Variants in MAML2 observed in about 807,000 individuals in gnomAD.
MAML2 encodes mastermind-like protein 2.
A neutral mutation model predicts 96.1 loss-of-function variants in MAML2; 22 were observed. The ratio of observed to expected loss-of-function variants is 0.23; its 90% CI spans 0.16 to 0.33. The LOEUF is 0.33. Among genes scored for constraint, MAML2 ranks in the 10% least tolerant of loss-of-function variants. MAML2 has a pLI of 1.00. For missense variants in MAML2, 1,367 were observed against 1,392.4 expected, an observed-to-expected ratio of 0.98 and a Z score of 0.29; for synonymous variants, 561 against 521.3, an observed-to-expected ratio of 1.08 and a Z score of -1.04.
chr11:96,304,939 T>C (rs1455621130), intron 1 of MAML2, among the ~76,000 whole-genome samples: 1 of 152,230 alleles, frequency 6.6e-6, no homozygotes, highest in African/African-American at 2.4e-5. Flanking sequence ...CCTATAAAGA[T>C]ACAATTCTCT....
chr11:96,221,657 A>G (rs543332840), intron 1 of MAML2, among the ~76,000 whole-genome samples: 3 of 144,338 alleles, frequency 2.1e-5, no homozygotes, highest in Non-Finnish European at 3.0e-5. Flanking sequence ...TCTGCACAGT[A>G]TAGGGAAGAT....
At chr11:96,329,895 C>A (rs1173047666) in intron 1 of MAML2, among the ~76,000 whole-genome samples, 1 of 152,188 alleles carries the variant, frequency 6.6e-6, no homozygotes, top group Non-Finnish European at 1.5e-5. Context: ...TCACTTTTCC[C>A]TGTCTGCTAT....
intron 1 of MAML2, among the ~76,000 whole-genome samples, chr11:96,201,127 T>G (rs916037547): frequency 3.9e-5 from 6 of 152,148 alleles, no homozygotes; most frequent in African/African-American, 1.4e-4. Flanking sequence ...ATCAGAGCAA[T>G]AGATATTTAG....
At chr11:96,151,671 T>G (rs1034314408) in intron 1 of MAML2, among the ~76,000 whole-genome samples, 25 of 152,138 alleles carry the variant, frequency 1.6e-4, no homozygotes, top group Admixed American at 1.5e-3. Context: ...CCCTCTTCCT[T>G]TGTCCTGTTC....
At chr11:96,146,921 T>C (rs977175527) in intron 1 of MAML2, among the ~76,000 whole-genome samples, 4 of 152,216 alleles carry the variant, frequency 2.6e-5, no homozygotes, top group African/African-American at 9.7e-5. Context: ...GACCAACCTG[T>C]TTTGGCACAC....
intron 1 of MAML2, among the ~76,000 whole-genome samples, chr11:96,119,140 T>C (rs1860293697): frequency 6.6e-6 from 1 of 152,230 alleles, no homozygotes; most frequent in Non-Finnish European, 1.5e-5. Flanking sequence ...AGTATTATGG[T>C]AGGCAGGATA....
intron 1 of MAML2, among the ~76,000 whole-genome samples, chr11:96,146,687 T>C (rs1860827494): frequency 2.0e-5 from 3 of 152,328 alleles, no homozygotes; most frequent in South Asian, 4.1e-4. Flanking sequence ...TCTACACTCC[T>C]CATCCTACAA....
At chr11:96,255,355 A>G (rs1676070351) in intron 1 of MAML2, among the ~76,000 whole-genome samples, 1 of 152,204 alleles carries the variant, frequency 6.6e-6, no homozygotes, top group Admixed American at 6.5e-5. Flanking sequence ...TCTTGTAACA[A>G]CCTTTTCAGG....
intron 1 of MAML2, among the ~76,000 whole-genome samples, chr11:96,156,541 C>G (rs1034189412): frequency 6.6e-6 from 1 of 152,130 alleles, no homozygotes; most frequent in East Asian, 1.9e-4. Flanking sequence ...AGTCAGTTCC[C>G]CAGTGACCAC....
intron 1 of MAML2, among the ~76,000 whole-genome samples, chr11:96,335,530 T>C (rs1863909684): frequency 6.6e-6 from 1 of 152,184 alleles, no homozygotes; most frequent in Non-Finnish European, 1.5e-5. Flanking sequence ...ATGCAGTATA[T>C]AACTCACCAT....
At position 96,093,403 on chromosome 11, in the gene MAML2, C is replaced by T; in HGVS notation, c.628G>A (p.Glu210Lys). The stretch of plus-strand genomic sequence containing the variant: ...CCACCTTGTCCTGCAGAGAGATTCT[C>T]CCCAACACGAATTCTTTTGATATCA... ...FLDIKRIRVG[E>K]NLSAGQGGLQ... is the part of the protein sequence containing the mutation. The change falls in exon 2 of 5, where the codon GAG (glutamate) becomes AAG (lysine). Residue 210 changes from glutamate to lysine, a missense_variant. Transcript: ENST00000524717. The T allele has an allele frequency of 6.2e-7, 1 of 1,613,994 alleles. No homozygotes were observed. Among genetic ancestry groups the T allele is most frequent in the Non-Finnish European group, 8.5e-7 (1 of 1,179,900 alleles).
chr11:96,139,677 C>T (rs115794034), intron 1 of MAML2, among the ~76,000 whole-genome samples: 2,580 of 151,934 alleles, frequency 0.017, 62 homozygotes, highest in African/African-American at 0.058. Context: ...TCTGGGGCTA[C>T]CTCTCCCCTT....
At chr11:96,230,054 T>C (rs975821024) in intron 1 of MAML2, among the ~76,000 whole-genome samples, 4 of 152,166 alleles carry the variant, frequency 2.6e-5, no homozygotes, top group African/African-American at 9.7e-5. Context: ...TTGAAACAGC[T>C]TTAAGAAAAA....
At chr11:96,085,084 T>TA (rs1859587694) in intron 2 of MAML2, among the ~76,000 whole-genome samples, 1 of 152,184 alleles carries the variant, frequency 6.6e-6, no homozygotes, top group African/African-American at 2.4e-5. Flanking sequence ...GGCACCACTT[T>TA]ATTGTTCAGA....
chr11:96,245,529 G>A (rs867241857), intron 1 of MAML2, among the ~76,000 whole-genome samples: 1 of 151,944 alleles, frequency 6.6e-6, no homozygotes. Context: ...CAGGGCAAAA[G>A]CTTATATCCT....
chr11:96,009,952 A>G (rs1858241701), intron 2 of MAML2, among the ~76,000 whole-genome samples: 1 of 152,224 alleles, frequency 6.6e-6, no homozygotes, highest in Non-Finnish European at 1.5e-5. Flanking sequence ...AACAGGATTT[A>G]TAAGGCGTGG....
intron 1 of MAML2, among the ~76,000 whole-genome samples, chr11:96,331,642 A>T (rs1209813742): frequency 7.9e-6 from 1 of 126,256 alleles, no homozygotes; most frequent in Non-Finnish European, 1.8e-5. Context: ...TACTAAAAAT[A>T]CAAAAAAAAA....
At chr11:96,120,222 G>T (rs1022358144) in intron 1 of MAML2, among the ~76,000 whole-genome samples, 2 of 152,142 alleles carry the variant, frequency 1.3e-5, no homozygotes, top group Non-Finnish European at 2.9e-5. Flanking sequence ...CTCCCAAAGT[G>T]CTGGGTTTAC....
intron 1 of MAML2, among the ~76,000 whole-genome samples, chr11:96,107,246 G>C (rs1468220729): frequency 6.6e-6 from 1 of 152,096 alleles, no homozygotes; most frequent in East Asian, 1.9e-4. Flanking sequence ...AAGAGCCCAA[G>C]CTTTGGCATC....
Sources: allele counts gnomAD v4.1 joint callset (sites outside exome capture counted in the v4.1 genomes callset), GRCh38; gene constraint gnomAD v4.1.1; transcripts MANE v1.5; gene names NCBI Gene and HGNC (gene_info 2026-07-23, HGNC 2026-07-21).